Variants in XYLT1 observed in about 807,000 individuals in gnomAD.
The protein encoded by XYLT1 is xylosyltransferase 1.
Under a neutral mutation model 91.3 loss-of-function variants are expected in XYLT1, and 36 were observed. That is an observed-to-expected ratio of 0.39 (90% CI 0.30 to 0.52). The LOEUF is 0.52. XYLT1 is among the 20% of genes least tolerant of loss of function. XYLT1 has a pLI of 0.68. For missense variants in XYLT1, 1,242 were observed against 1,284.5 expected (o/e 0.97, Z 0.51); for synonymous variants, 588 against 532.0 (o/e 1.11, Z -1.45).
In XYLT1 at chr16:17,134,576, G is replaced by C; in HGVS notation, c.1924C>G (p.His642Asp). 3 of 1,614,202 alleles carry C rather than the reference G, an allele frequency of 1.9e-6. No homozygotes were observed. The East Asian group carries it at 6.7e-5, about 36-fold the overall frequency. Reference sequence around the variant, plus strand: ...GTGAGTGTCACGTCGCTCAGGCTGTGGATGCCGTCAGGCTCATCGTAGACA... The same window carrying C: ...GTGAGTGTCACGTCGCTCAGGCTGTCGATGCCGTCAGGCTCATCGTAGACA... Reference protein sequence around the residue: ...ENVYDEPDGIHSLSDVTLTLY... With the variant: ...ENVYDEPDGIDSLSDVTLTLY... The change falls in exon 9 of 12, where the codon CAC becomes GAC. Residue 642 changes from histidine to aspartate, a missense_variant. His to Asp is a moderately conservative substitution (Grantham distance 81). Transcript: ENST00000261381.
intron 1 of XYLT1, among the ~76,000 whole-genome samples, chr16:17,396,343 G>T (rs1279958791): frequency 6.6e-6 from 1 of 152,196 alleles, no homozygotes; most frequent in Non-Finnish European, 1.5e-5. Context: ...AAGCTCAGCT[G>T]GGTGACCTTG....
At chr16:17,355,459 C>T (rs1351169618) in intron 2 of XYLT1, 1 of 152,160 alleles carries the variant, frequency 6.6e-6, no homozygotes, top group African/African-American at 2.4e-5. Context: ...TTTAAAAACA[C>T]ACCGTGGAAG....
intron 3 of XYLT1, among the ~76,000 whole-genome samples, chr16:17,242,746 G>T (rs930001123): frequency 6.6e-6 from 1 of 151,976 alleles, no homozygotes; most frequent in Non-Finnish European, 1.5e-5. Flanking sequence ...GAAATTCTAC[G>T]GCCATTAAAA....
intron 3 of XYLT1, among the ~76,000 whole-genome samples, chr16:17,222,528 G>A (rs973599552): frequency 6.6e-6 from 1 of 152,132 alleles, no homozygotes; most frequent in Non-Finnish European, 1.5e-5. Context: ...AGTGGCTTAC[G>A]CCTGTAATCC....
At chr16:17,299,305 G>T (rs982383469) in intron 2 of XYLT1, among the ~76,000 whole-genome samples, 1 of 152,136 alleles carries the variant, frequency 6.6e-6, no homozygotes, top group African/African-American at 2.4e-5. Context: ...TGAATTGGGG[G>T]AAATAACAGA....
Position 17,259,508 on chromosome 16 carries a change from A to C in XYLT1, c.403-10T>G. The C allele has an allele frequency of 1.2e-6, 2 of 1,600,476 alleles. No homozygotes were observed. Among genetic ancestry groups the C allele is most frequent in the Non-Finnish European group, 8.5e-7 (1 of 1,175,272 alleles). ...GAGAAAAGTAGCCATCCTGGAGAAG[A>C]GGGGAGAGAAACAGAAGAGAAACTT... On this transcript the variant is annotated splice_polypyrimidine_tract_variant and intron_variant, in intron 2 of 11. Coordinates refer to ENST00000261381, the MANE Select transcript of XYLT1 (RefSeq NM_022166.4).
intron 2 of XYLT1, among the ~76,000 whole-genome samples, chr16:17,317,376 T>C (rs558001540): frequency 3.1e-4 from 47 of 151,968 alleles, no homozygotes; most frequent in African/African-American, 1.1e-3. Context: ...CTCATGCCTG[T>C]CATCTCAGCA....
chr16:17,323,938 C>T (rs2034762925), intron 2 of XYLT1, among the ~76,000 whole-genome samples: 1 of 152,136 alleles, frequency 6.6e-6, no homozygotes, highest in Admixed American at 6.5e-5. Context: ...CAGAGCTGGC[C>T]AACTTCAGAT....
chr16:17,164,234 T>C (rs1054308362), intron 5 of XYLT1, among the ~76,000 whole-genome samples: 1 of 152,046 alleles, frequency 6.6e-6, no homozygotes, highest in Non-Finnish European at 1.5e-5. Context: ...GTCTATTTAA[T>C]TTAAATTCTA....
At chr16:17,194,350 G>A (rs72777743) in intron 5 of XYLT1, 17,449 of 152,252 alleles carry the variant, frequency 0.11, 1,090 homozygotes, top group Middle Eastern at 0.14. Context: ...CTTTAGGGGA[G>A]GTGGCCACGC....
At chr16:17,109,134 A>T in intron 11 of XYLT1, 117 bp from the exon 12 acceptor site, 1 of 1,051,130 alleles carries the variant, frequency 9.5e-7, no homozygotes, top group African/African-American at 1.6e-5. Flanking sequence ...TTTAATTCAC[A>T]TGACAATCTC....
At chr16:17,400,554 C>G (rs2035949995) in intron 1 of XYLT1, among the ~76,000 whole-genome samples, 2 of 144,956 alleles carry the variant, frequency 1.4e-5, no homozygotes, top group Admixed American at 7.0e-5. Context: ...CATGCCATCA[C>G]ACTCCAGCCT....
chr16:17,201,131 C>G (rs906288980), intron 3 of XYLT1, among the ~76,000 whole-genome samples: 2 of 152,214 alleles, frequency 1.3e-5, no homozygotes, highest in African/African-American at 4.8e-5. Context: ...AATCTCCCCT[C>G]TTAATAAATG....
chr16:17,187,696 A>T (rs968061292), intron 5 of XYLT1, among the ~76,000 whole-genome samples: 3 of 149,960 alleles, frequency 2.0e-5, no homozygotes, highest in Admixed American at 6.7e-5. Context: ...CCCAGGCTGG[A>T]GTACAATGGC....
intron 11 of XYLT1, 151 bp from the exon 12 acceptor site, chr16:17,109,168 C>T (rs1458440798): frequency 2.3e-6 from 2 of 870,650 alleles, no homozygotes; most frequent in Non-Finnish European, 1.6e-6. Flanking sequence ...TTTAGCAGTC[C>T]CATTTCACAG....
At chr16:17,216,118 CTGCTGTG>C (rs1162751774) in intron 3 of XYLT1, among the ~76,000 whole-genome samples, 9 of 152,184 alleles carry the variant, frequency 5.9e-5, no homozygotes, top group Non-Finnish European at 1.0e-4. Flanking sequence ...GACCCAGAGG[CTGCTGTG>C]TGCAAGTTCT....
intron 1 of XYLT1, among the ~76,000 whole-genome samples, chr16:17,383,017 CA>C: frequency 6.6e-6 from 1 of 151,816 alleles, no homozygotes. Flanking sequence ...AGAGTCACAC[CA>C]TGCCGCCTGT....
intron 5 of XYLT1, among the ~76,000 whole-genome samples, chr16:17,159,858 C>T (rs986075383): frequency 6.6e-6 from 1 of 152,222 alleles, no homozygotes; most frequent in African/African-American, 2.4e-5. Flanking sequence ...CTCCATCTGC[C>T]AGAAACGCAG....
chr16:17,149,333 C>A (rs1005679029), intron 6 of XYLT1, among the ~76,000 whole-genome samples: 1 of 152,070 alleles, frequency 6.6e-6, no homozygotes, highest in South Asian at 2.1e-4. Flanking sequence ...TACAGCATGT[C>A]TGAGCAAGAA....
Sources: allele counts gnomAD v4.1 joint callset (sites outside exome capture counted in the v4.1 genomes callset), GRCh38; gene constraint gnomAD v4.1.1; transcripts MANE v1.5; gene names NCBI Gene and HGNC (gene_info 2026-07-23, HGNC 2026-07-21).